The following SORCS2 variants were observed in gnomAD, a reference collection of about 807,000 sequenced individuals.
SORCS2 encodes VPS10 domain-containing receptor SorCS2.
Under a neutral mutation model 141.6 loss-of-function variants are expected in SORCS2, and 100 were observed. The observed-to-expected ratio is 0.71, with a 90% confidence interval of 0.60 to 0.83. The LOEUF (loss-of-function observed/expected upper bound fraction) is 0.83, where lower values mean the gene tolerates loss of function less well. SORCS2 is among the 40% of genes least tolerant of loss of function. The pLI, the probability that SORCS2 is intolerant of heterozygous loss-of-function variation, is 0.00. For synonymous variants in SORCS2, 789 were observed against 676.9 expected, an observed-to-expected ratio of 1.17 and a Z score of -2.57; for missense variants, 1,646 against 1,560.2, an observed-to-expected ratio of 1.05 and a Z score of -0.93.
chr4:7,554,506 GA>G (rs1174496659), intron 3 of SORCS2, among the ~76,000 whole-genome samples: 1 of 152,108 alleles, frequency 6.6e-6, no homozygotes, highest in Non-Finnish European at 1.5e-5. Flanking sequence ...TTCCCTATGA[GA>G]CAGTCCTGGT....
intron 2 of SORCS2, among the ~76,000 whole-genome samples, chr4:7,437,943 TC>T (rs1378028564): frequency 2.0e-5 from 3 of 152,180 alleles, no homozygotes; most frequent in African/African-American, 7.2e-5. Context: ...TTTATAACCT[TC>T]GAGCGTAGGT....
intron 2 of SORCS2, among the ~76,000 whole-genome samples, chr4:7,468,748 G>T (rs182532669): frequency 6.6e-6 from 1 of 152,170 alleles, no homozygotes; most frequent in African/African-American, 2.4e-5. Flanking sequence ...GATTCTTATT[G>T]TCAGCATTGT....
At chr4:7,683,207 G>C (rs35194914) in intron 10 of SORCS2, among the ~76,000 whole-genome samples, 1 of 149,982 alleles carries the variant, frequency 6.7e-6, no homozygotes, top group Admixed American at 6.6e-5. Flanking sequence ...TGTCTGGGCT[G>C]AGCTGGGCAG....
chr4:7,250,538 G>A (rs942480166), intron 1 of SORCS2, among the ~76,000 whole-genome samples: 5 of 152,318 alleles, frequency 3.3e-5, no homozygotes, highest in South Asian at 2.1e-4. Flanking sequence ...GAGACATATC[G>A]TTGGATCCTG....
intron 2 of SORCS2, among the ~76,000 whole-genome samples, chr4:7,458,338 T>C (rs1729057336): frequency 6.6e-6 from 1 of 152,128 alleles, no homozygotes; most frequent in African/African-American, 2.4e-5. Context: ...GGGAGGGCTG[T>C]GCCTCAGCGG....
At chr4:7,264,443 T>TC (rs1262480006) in intron 1 of SORCS2, among the ~76,000 whole-genome samples, 1 of 151,946 alleles carries the variant, frequency 6.6e-6, no homozygotes, top group African/African-American at 2.4e-5. Context: ...GCCTTAGGTG[T>TC]CCCCCAAAGC....
At chr4:7,635,102 T>C (rs1036515806) in intron 3 of SORCS2, among the ~76,000 whole-genome samples, 27 of 152,224 alleles carry the variant, frequency 1.8e-4, no homozygotes, top group African/African-American at 6.5e-4. Context: ...GTGCTGATGC[T>C]GGCATCCTCC....
intron 1 of SORCS2, among the ~76,000 whole-genome samples, chr4:7,394,338 T>A (rs1418282090): frequency 6.6e-6 from 1 of 151,270 alleles, no homozygotes; most frequent in Admixed American, 6.6e-5. Flanking sequence ...CCCTTAACAG[T>A]TTATCCCTCA....
chr4:7,680,606 A>G (rs1723464569), intron 9 of SORCS2, among the ~76,000 whole-genome samples: 1 of 152,208 alleles, frequency 6.6e-6, no homozygotes, highest in African/African-American at 2.4e-5. Context: ...TACCCTCTAG[A>G]CCACAGCATC....
At chr4:7,558,093 C>T (rs1714267903) in intron 3 of SORCS2, among the ~76,000 whole-genome samples, 1 of 152,196 alleles carries the variant, frequency 6.6e-6, no homozygotes, top group Admixed American at 6.5e-5. Flanking sequence ...TCTGTCACTG[C>T]CCACTGTGCC....
intron 3 of SORCS2, among the ~76,000 whole-genome samples, chr4:7,623,368 G>T (rs1158460765): frequency 6.6e-6 from 1 of 152,052 alleles, no homozygotes; most frequent in African/African-American, 2.4e-5. Context: ...GGCTTTGAAA[G>T]CTCACCATGC....
chr4:7,542,682 C>T (rs1372499991), intron 3 of SORCS2, among the ~76,000 whole-genome samples: 1 of 152,224 alleles, frequency 6.6e-6, no homozygotes, highest in African/African-American at 2.4e-5. Flanking sequence ...CAGTGTGTGA[C>T]ACTTTGTCTC....
At chr4:7,504,179 C>A (rs542583728) in intron 2 of SORCS2, among the ~76,000 whole-genome samples, 3 of 152,356 alleles carry the variant, frequency 2.0e-5, no homozygotes, top group Admixed American at 1.3e-4. Context: ...CCTTGGGAAT[C>A]ACACACCGGG....
At chr4:7,346,884 G>A (rs998145993) in intron 1 of SORCS2, among the ~76,000 whole-genome samples, 6 of 152,022 alleles carry the variant, frequency 3.9e-5, no homozygotes, top group Non-Finnish European at 8.8e-5. Flanking sequence ...TCATCAAACT[G>A]TACTATAATT....
At position 7,233,443 on chromosome 4, in the gene SORCS2, C is replaced by T. The variant is rs899062891; in HGVS notation, c.480+40317C>T. On this transcript the variant is annotated intron_variant, in intron 1 of 26. Transcript: ENST00000507866. This position sits in a 1 kb window ranked among gnomAD's most constrained non-coding sequence, Gnocchi z 4.5. ...AGCCCGCAGGTTGCCATCCTGTTTCCATCCAGGGGCCCGGACACTGGGCCA... is the reference window on the plus strand; with the variant it reads ...AGCCCGCAGGTTGCCATCCTGTTTCTATCCAGGGGCCCGGACACTGGGCCA... Among the ~76,000 whole-genome samples the T allele has an allele frequency of 1.1e-4, 16 of 152,210 alleles. No individual in the cohort carries two copies. The highest frequency in any genetic ancestry group is 3.9e-4 in the African/African-American group (16 of 41,462).
intron 1 of SORCS2, among the ~76,000 whole-genome samples, chr4:7,339,094 G>A (rs571154563): frequency 8.5e-5 from 13 of 152,326 alleles, no homozygotes; most frequent in South Asian, 4.1e-4. Flanking sequence ...CTGCCATTTC[G>A]CCGTGGCCTG....
At chr4:7,506,244 G>A (rs1297515133) in intron 2 of SORCS2, among the ~76,000 whole-genome samples, 1 of 152,126 alleles carries the variant, frequency 6.6e-6, no homozygotes, top group Non-Finnish European at 1.5e-5. Flanking sequence ...TGCCAGGGGC[G>A]CTGCCATAGT....
intron 1 of SORCS2, among the ~76,000 whole-genome samples, chr4:7,333,673 G>GCCCAA (rs1719803816): frequency 1.3e-5 from 2 of 152,156 alleles, no homozygotes. Flanking sequence ...CCCTGACTTA[G>GCCCAA]CCCAAGCCCA....
At chr4:7,210,530 C>T (rs773973204) in intron 1 of SORCS2, among the ~76,000 whole-genome samples, 10 of 152,190 alleles carry the variant, frequency 6.6e-5, no homozygotes, top group Non-Finnish European at 1.3e-4. Flanking sequence ...ATCTATCCAC[C>T]TTAGCCTCCC....
Sources: allele counts gnomAD v4.1 joint callset (sites outside exome capture counted in the v4.1 genomes callset), GRCh38; gene constraint gnomAD v4.1.1; non-coding constraint Gnocchi (gnomAD v3.1); transcripts MANE v1.5; gene names NCBI Gene and HGNC (gene_info 2026-07-23, HGNC 2026-07-21).